Variants in COL22A1 observed in about 807,000 individuals in gnomAD.
The protein encoded by COL22A1 is collagen type XXII alpha 1 chain.
In COL22A1, 221 loss-of-function variants were observed where a neutral mutation model predicts 248.9. The observed-to-expected ratio is 0.89, with a 90% CI of 0.80 to 0.99. The LOEUF (loss-of-function observed/expected upper bound fraction) is 0.99. Ranked by LOEUF, COL22A1 falls within the 50% of genes least tolerant of loss-of-function variation. COL22A1 has a pLI of 0.00. For missense variants in COL22A1, 2,240 were observed against 2,179.0 expected, an observed-to-expected ratio of 1.03 and a Z score of -0.56; for synonymous variants, 891 against 793.4, an observed-to-expected ratio of 1.12 and a Z score of -2.07.
chr8:138,632,563 G>C (rs928743657), intron 49 of COL22A1, among the ~76,000 whole-genome samples: 9 of 152,158 alleles, frequency 5.9e-5, no homozygotes, highest in African/African-American at 2.2e-4. Context: ...TTTAATTGTT[G>C]CATACTTTTA....
Position 138,602,116 on chromosome 8 carries a change from C to CT in COL22A1, c.4183dup (p.Arg1395LysfsTer9), listed in dbSNP as rs1587644974. ...AAGGTGCCTGTGCTCTCCACTCACC[C>CT]TTTCTCCTTTGAATCCAGGCTCTCC... is the stretch of plus-strand genomic sequence containing the variant. On this transcript the variant is annotated frameshift_variant and splice_region_variant, in exon 60 of 65. Coordinates refer to ENST00000303045, the MANE Select transcript of COL22A1 (RefSeq NM_152888.3). LOFTEE classifies it high-confidence loss of function. The CT allele has an allele frequency of 6.2e-7, 1 of 1,614,138 alleles. No individual in the cohort carries two copies. Among genetic ancestry groups the CT allele is most frequent in the Non-Finnish European group, 8.5e-7 (1 of 1,180,016 alleles).
At chr8:138,727,177 C>T (rs941843143) in intron 23 of COL22A1, among the ~76,000 whole-genome samples, 7 of 152,156 alleles carry the variant, frequency 4.6e-5, no homozygotes, top group Non-Finnish European at 8.8e-5. Context: ...TCACCACGCC[C>T]TCCTCCCTCA....
chr8:138,675,906 G>A (rs1049275570), intron 41 of COL22A1, among the ~76,000 whole-genome samples: 1 of 152,210 alleles, frequency 6.6e-6, no homozygotes, highest in Non-Finnish European at 1.5e-5. Context: ...TGCAGAGCCA[G>A]ATGTACTGGC....
At chr8:138,745,880 C>A (rs953241759) in intron 22 of COL22A1, among the ~76,000 whole-genome samples, 3 of 152,160 alleles carry the variant, frequency 2.0e-5, no homozygotes, top group Non-Finnish European at 4.4e-5. Context: ...TGACAGTGCT[C>A]CCTGATCAAC....
chr8:138,700,110 A>G lies in COL22A1; in HGVS notation c.2592+2T>C. 6.2e-7 allele frequency: 1 copy of G among 1,613,314 alleles called. No homozygotes were observed. Among genetic ancestry groups the G allele is most frequent in the Non-Finnish European group, 8.5e-7 (1 of 1,179,812 alleles). On this transcript the variant is annotated splice_donor_variant, in intron 32 of 64. Coordinates refer to ENST00000303045, the MANE Select transcript of COL22A1 (RefSeq NM_152888.3). LOFTEE classifies it high-confidence loss of function. ...GCACCCCGAGGCACCGCTACTACTT[A>G]CGGGCATCCGTGGATGTGGTGTGAA...
At chr8:138,709,139 C>T (rs1040494304) in intron 30 of COL22A1, among the ~76,000 whole-genome samples, 1 of 152,086 alleles carries the variant, frequency 6.6e-6, no homozygotes, top group African/African-American at 2.4e-5. Context: ...CAGGAAACAA[C>T]AGGTGCTGGA....
At chr8:138,796,686 T>C in intron 12 of COL22A1, 133 bp downstream of exon 12, 1 of 713,960 alleles carries the variant, frequency 1.4e-6, no homozygotes. Context: ...TGAGGCCAGT[T>C]ACACAGCCCA....
chr8:138,845,402 A>C (rs1821172020), intron 3 of COL22A1, among the ~76,000 whole-genome samples: 1 of 151,852 alleles, frequency 6.6e-6, no homozygotes, highest in South Asian at 2.1e-4. Flanking sequence ...CCAGCTACTC[A>C]GGAGGCTGAG....
chr8:138,785,895 G>A (rs1030173631), intron 12 of COL22A1, among the ~76,000 whole-genome samples: 4 of 152,188 alleles, frequency 2.6e-5, no homozygotes, highest in Non-Finnish European at 4.4e-5. Flanking sequence ...AGCCCTGTGG[G>A]CTTGTAAGGG....
At chr8:138,805,611 C>G (rs111066396) in intron 10 of COL22A1, among the ~76,000 whole-genome samples, 6 of 101,602 alleles carry the variant, frequency 5.9e-5, no homozygotes, top group Admixed American at 1.0e-4. Flanking sequence ...TGGTGTGGGA[C>G]GGTGTGTGAG....
chr8:138,733,987 T>C (rs1373666114), intron 23 of COL22A1, among the ~76,000 whole-genome samples: 2 of 152,130 alleles, frequency 1.3e-5, no homozygotes, highest in African/African-American at 4.8e-5. Context: ...CCTGTACAGC[T>C]TGGAGCCTGC....
chr8:138,668,753 T>G lies in COL22A1; in HGVS notation c.3151-5013A>C, dbSNP rs376803560. Among the ~76,000 whole-genome samples the G allele has an allele frequency of 1.7e-4, 26 of 152,356 alleles. No individual in the cohort carries two copies. The South Asian group carries it at 5.2e-3, about 30-fold the overall frequency. On this transcript the variant is annotated intron_variant, in intron 41 of 64. Coordinates refer to ENST00000303045, the MANE Select transcript of COL22A1 (RefSeq NM_152888.3). ...TGGGTGGCCAAGTGGCTGCATGGCA[T>G]GGAGCCCACTTATGTGAAGCACTCC...
chr8:138,653,410 G>A (rs575299636), intron 45 of COL22A1, among the ~76,000 whole-genome samples: 63 of 152,314 alleles, frequency 4.1e-4, no homozygotes, highest in African/African-American at 1.4e-3. Flanking sequence ...TTCAGAGTTG[G>A]TCTCACTGGG....
rs192113204 is a variant in COL22A1 at position 138,826,739 on chromosome 8, G to A, written c.888C>T (p.Val296=). The change falls in exon 6 of 65, where the codon GTC becomes GTT. Residue 296 remains valine, a synonymous_variant. Coordinates refer to ENST00000303045, the MANE Select transcript of COL22A1 (RefSeq NM_152888.3). The part of the protein sequence containing the change: ...PQGLPDEYAF[V]TTFRFRKTSR... ...AGGTTTTCCTGAACCGGAAGGTTGT[G>A]ACAAAGGCGTACTCATCAGGTAAAC... The A allele has an allele frequency of 5.5e-5, 88 of 1,614,094 alleles. No homozygotes were observed. The Admixed American group carries it at 1.5e-3, about 27-fold the overall frequency.
chr8:138,662,068 G>C lies in COL22A1; in HGVS notation c.3202C>G (p.Pro1068Ala), dbSNP rs1241953021. ...DKGSPGSRGL[P>A]GFPGPQGPAG... ...GGGCCCTGGGGGCCAGGGAATCCAGGTAAGCCTCGTGATCCCTGAAGAAAA... is the reference window on the plus strand; with the variant it reads ...GGGCCCTGGGGGCCAGGGAATCCAGCTAAGCCTCGTGATCCCTGAAGAAAA... Residue 1068 changes from proline to alanine, a missense_variant, in exon 43 of 65, where the codon CCT (proline) becomes GCT (alanine). Transcript: ENST00000303045. 6.2e-7 allele frequency: 1 copy of C among 1,612,336 alleles called. No individual in the cohort carries two copies. Among genetic ancestry groups the C allele is most frequent in the African/African-American group, 1.3e-5 (1 of 74,874 alleles).
At chr8:138,863,063 A>G (rs1017283548) in intron 3 of COL22A1, among the ~76,000 whole-genome samples, 2 of 152,212 alleles carry the variant, frequency 1.3e-5, no homozygotes, top group Admixed American at 6.5e-5. Flanking sequence ...TTTAACCAGG[A>G]TATAAATTGC....
chr8:138,833,964 T>C (rs7825663), intron 4 of COL22A1, among the ~76,000 whole-genome samples: 83,453 of 152,048 alleles, frequency 0.55, 23,525 homozygotes, highest in East Asian at 0.67. Context: ...CCTAAATATG[T>C]GTCACTCGGC....
In COL22A1 at chr8:138,684,463, G is replaced by A. The variant is rs563073026; in HGVS notation, c.2974C>T (p.Arg992Cys). The change falls in exon 39 of 65, where the codon CGT becomes TGT. Residue 992 changes from arginine to cysteine, a missense_variant. Physicochemically the swap from Arg to Cys is radical, Grantham distance 180. Coordinates refer to ENST00000303045, the MANE Select transcript of COL22A1 (RefSeq NM_152888.3). Reference protein sequence around the residue: ...GKGKDGEPGLRGSPGLPGPLG... With the variant: ...GKGKDGEPGLCGSPGLPGPLG... ...GGTCCAGGGAGTCCAGGTGATCCAC[G>A]GAGTCCCTGGAGAAATAAATAATAC... 2.1e-5 allele frequency: 34 copies of A among 1,608,814 alleles called. No individual in the cohort carries two copies. The highest frequency in any genetic ancestry group is 1.2e-4 in the Admixed American group (7 of 59,988).
At chr8:138,883,430 G>A (rs1824398988) in intron 1 of COL22A1, among the ~76,000 whole-genome samples, 186 bp from the exon 2 acceptor site, 1 of 152,202 alleles carries the variant, frequency 6.6e-6, no homozygotes, top group Admixed American at 6.5e-5. Context: ...TCCCCTTCAT[G>A]GATTTACGCC....
Sources: gnomAD v4.1 joint callset for allele counts (sites outside exome capture counted in the v4.1 genomes callset) on GRCh38, gnomAD v4.1.1 for gene constraint, MANE v1.5 for transcripts, NCBI Gene and HGNC (gene_info 2026-07-23, HGNC 2026-07-21) for gene names.